Variants in PGM5 observed in about 807,000 individuals in gnomAD.
The protein encoded by PGM5 is phosphoglucomutase 5, also known as phosphoglucomutase-like protein 5.
Under a neutral mutation model 59.2 loss-of-function variants are expected in PGM5, and 23 were observed. The observed-to-expected ratio is 0.39, with a 90% CI of 0.28 to 0.55. The LOEUF (loss-of-function observed/expected upper bound fraction) is 0.55. Among genes scored for constraint, PGM5 ranks in the 20% least tolerant of loss-of-function variants. The pLI is 0.66. For missense variants in PGM5, 574 were observed against 748.3 expected, an observed-to-expected ratio of 0.77 and a Z score of 2.72; for synonymous variants, 214 against 286.0, an observed-to-expected ratio of 0.75 and a Z score of 2.54.
intron 8 of PGM5, 50 bp from the exon 9 acceptor site, chr9:68,483,815 C>A (rs888846546): frequency 9.0e-6 from 14 of 1,553,294 alleles, no homozygotes; most frequent in Non-Finnish European, 1.2e-5. Context: ...GTGGGCCACC[C>A]AGTTGCTGGT....
At chr9:68,512,272 T>C (rs1824761575) in intron 10 of PGM5, among the ~76,000 whole-genome samples, 1 of 152,246 alleles carries the variant, frequency 6.6e-6, no homozygotes, top group Admixed American at 6.5e-5. Context: ...ATGTGCTCTC[T>C]GGCTTCAAGG....
intron 9 of PGM5, among the ~76,000 whole-genome samples, chr9:68,493,904 T>C (rs1364282111): frequency 1.3e-5 from 2 of 152,228 alleles, no homozygotes; most frequent in Non-Finnish European, 2.9e-5. Flanking sequence ...ACAAGGGTTA[T>C]GAAATCCTTT....
intron 9 of PGM5, among the ~76,000 whole-genome samples, chr9:68,495,711 G>A (rs1354730578): frequency 6.6e-6 from 1 of 152,218 alleles, no homozygotes; most frequent in Non-Finnish European, 1.5e-5. Flanking sequence ...GTGAACCTAT[G>A]ACTAGAAGCT....
chr9:68,514,656 G>A (rs1824799421), intron 10 of PGM5, among the ~76,000 whole-genome samples: 1 of 152,032 alleles, frequency 6.6e-6, no homozygotes, highest in Non-Finnish European at 1.5e-5. Context: ...GGGAAAAAAG[G>A]GCAAGAAGTC....
intron 1 of PGM5, among the ~76,000 whole-genome samples, chr9:68,358,969 T>C (rs1245389585): frequency 2.0e-5 from 3 of 152,218 alleles, no homozygotes; most frequent in Non-Finnish European, 4.4e-5. Flanking sequence ...TCTGACAGGC[T>C]GTTCCTGTGG....
At chr9:68,523,978 G>T (rs1323674674) in intron 10 of PGM5, among the ~76,000 whole-genome samples, 1 of 151,478 alleles carries the variant, frequency 6.6e-6, no homozygotes, top group Non-Finnish European at 1.5e-5. Context: ...AAGAAGTTCA[G>T]TTTGTTAGGG....
rs781896763 is a variant in PGM5, at chr9:68,357,329, G to A, written c.202G>A (p.Gly68Ser). The change falls in exon 1 of 11, where the codon GGC becomes AGC. Residue 68 changes from glycine to serine, a missense_variant. Physicochemically the swap from Gly to Ser is moderately conservative, Grantham distance 56. Transcript: ENST00000396396. The stretch of plus-strand genomic sequence containing the variant: ...CTGCACCATGGTGGTGGGCAGCGAC[G>A]GCAGGTACTTTAGCAGGACGGCCAT... The part of the protein sequence containing the change: ...QGCTMVVGSD[G>S]RYFSRTAIEI... 7.8e-5 allele frequency: 121 copies of A among 1,554,234 alleles called. 1 individual carries two copies. The Admixed American group carries it at 2.3e-3, about 29-fold the overall frequency.
intron 1 of PGM5, among the ~76,000 whole-genome samples, chr9:68,376,765 A>ATTTCTTTC (rs71353048): frequency 0.021 from 2,001 of 96,720 alleles, 51 homozygotes; most frequent in Non-Finnish European, 0.024. Context: ...GAGGTTCTGC[A>ATTTCTTTC]TTTCTTTCTT....
chr9:68,401,885 ATATATGTGTGTGTGTGTGTGTGTGTG>A (rs1471636564), intron 6 of PGM5, among the ~76,000 whole-genome samples: 3 of 104,136 alleles, frequency 2.9e-5, no homozygotes, highest in Non-Finnish European at 5.7e-5. Context: ...AGCTATATAT[ATATATGTGTGTGTGTGTGTGTGTGTG>A]TGTGTGTGTG....
chr9:68,401,227 T>A (rs1554680576), intron 6 of PGM5, among the ~76,000 whole-genome samples: 1 of 152,062 alleles, frequency 6.6e-6, no homozygotes, highest in African/African-American at 2.4e-5. Flanking sequence ...TATTCAATTT[T>A]TCTGAGCCAT....
At chr9:68,383,180 T>A (rs1400789640) in intron 2 of PGM5, among the ~76,000 whole-genome samples, 1 of 151,866 alleles carries the variant, frequency 6.6e-6, no homozygotes, top group Non-Finnish European at 1.5e-5. Flanking sequence ...TTGCTATTCT[T>A]TTTTATGAGC....
intron 1 of PGM5, 116 bp downstream of exon 1, chr9:68,357,504 G>A: frequency 2.0e-6 from 3 of 1,499,218 alleles, no homozygotes; most frequent in Non-Finnish European, 1.8e-6. Context: ...CCCCGGCTTT[G>A]CTACCTCACT....
chr9:68,364,315 T>C (rs1461056015), intron 1 of PGM5, among the ~76,000 whole-genome samples: 5 of 152,162 alleles, frequency 3.3e-5, no homozygotes, highest in African/African-American at 9.7e-5. Flanking sequence ...AGAATATACT[T>C]GGTTTTGCAT....
chr9:68,479,299 G>A (rs1824152369), intron 7 of PGM5, 119 bp from the exon 8 acceptor site: 3 of 828,780 alleles, frequency 3.6e-6, no homozygotes, highest in Non-Finnish European at 3.8e-6. Context: ...TAATATAATG[G>A]GTAAATGATC....
intron 6 of PGM5, among the ~76,000 whole-genome samples, chr9:68,454,501 C>T (rs1230611753): frequency 2.0e-5 from 3 of 152,156 alleles, no homozygotes; most frequent in African/African-American, 7.2e-5. Context: ...TTTGTTATGG[C>T]AGGATGATGC....
intron 6 of PGM5, among the ~76,000 whole-genome samples, chr9:68,462,723 T>C (rs1332509656): frequency 6.6e-6 from 1 of 151,930 alleles, no homozygotes; most frequent in African/African-American, 2.4e-5. Flanking sequence ...CTCTGCCCCA[T>C]GTTGCGCATT....
chr9:68,519,669 A>G (rs982268194), intron 10 of PGM5, among the ~76,000 whole-genome samples: 2 of 151,750 alleles, frequency 1.3e-5, no homozygotes, highest in African/African-American at 4.8e-5. Flanking sequence ...AATTAAAAAA[A>G]AAAAGAAAAA....
At chr9:68,401,921 GTGTGTGTGTATA>G (rs1255480710) in intron 6 of PGM5, among the ~76,000 whole-genome samples, 7 of 144,154 alleles carry the variant, frequency 4.9e-5, no homozygotes, top group South Asian at 4.4e-4. Flanking sequence ...GTGTGTGTGT[GTGTGTGTGTATA>G]TATTTGTCAA....
intron 4 of PGM5, among the ~76,000 whole-genome samples, chr9:68,389,216 G>A (rs1396894679): frequency 6.6e-6 from 1 of 151,902 alleles, no homozygotes; most frequent in Non-Finnish European, 1.5e-5. Flanking sequence ...TATGTTTCAT[G>A]GATACCATAT....
Sources: allele counts gnomAD v4.1 joint callset (sites outside exome capture counted in the v4.1 genomes callset), GRCh38; gene constraint gnomAD v4.1.1; transcripts MANE v1.5; gene names NCBI Gene and HGNC (gene_info 2026-07-23, HGNC 2026-07-21).